Variants in HOXA7 observed in about 807,000 individuals in gnomAD.
HOXA7 encodes homeobox A7.
Under a neutral mutation model 16.8 loss-of-function variants are expected in HOXA7, and 16 were observed. The ratio of observed to expected loss-of-function variants is 0.95; its 90% CI spans 0.64 to 1.44. The LOEUF is 1.44. Among genes scored for constraint, HOXA7 ranks in the 40% most tolerant of loss-of-function variants. The probability of loss-of-function intolerance (pLI) is 0.00; values close to 1 mark genes in which losing one functional copy is unlikely to be tolerated. For synonymous variants in HOXA7, 169 were observed against 144.3 expected (o/e 1.17, Z -1.23); for missense variants, 379 against 328.6 (o/e 1.15, Z -1.19).
chr7:27,155,893 G>A (rs1402854365), intron 1 of HOXA7: 2 of 366,354 alleles, frequency 5.5e-6, no homozygotes, highest in Non-Finnish European at 9.7e-6. Context: ...CAAGACAAAT[G>A]GAGTTAAATA....
Position 27,154,483 on chromosome 7 carries a change from G to T in HOXA7, c.*426C>A. 1 of 170,604 alleles carries T rather than the reference G, an allele frequency of 5.9e-6. No individual in the cohort carries two copies. Among genetic ancestry groups the T allele is most frequent in the Non-Finnish European group, 1.3e-5 (1 of 78,800 alleles). The allele number at this position is 170,604 out of a possible 1,614,324, so 10.6% of individuals were successfully genotyped here. The stretch of plus-strand genomic sequence containing the variant: ...TGAGATTCACTTTCTTGCGGGTCTG[G>T]GAGGGTGGTGCTGGGTGTCTGCCAG... On this transcript the variant is annotated 3_prime_UTR_variant, in exon 2 of 2. Coordinates refer to ENST00000242159, the MANE Select transcript of HOXA7 (RefSeq NM_006896.4).
Position 27,156,315 on chromosome 7 carries a change from G to T in HOXA7, c.231C>A (p.Tyr77Ter). ...ASGYGLGADA[Y>*]GNLPCASYDQ... ...CGTAGGAGGCGCAGGGCAGGTTGCC[G>T]TAGGCGTCGGCGCCCAGGCCGTAGC... The change falls in exon 1 of 2, where the codon TAC (tyrosine) becomes TAA (stop). Residue 77 changes from tyrosine (Y) to a stop codon, truncating the protein, a stop_gained. Coordinates refer to ENST00000242159, the MANE Select transcript of HOXA7 (RefSeq NM_006896.4). LOFTEE classifies it high-confidence loss of function. The T allele has an allele frequency of 6.2e-7, 1 of 1,613,960 alleles. No homozygotes were observed. The highest frequency in any genetic ancestry group is 8.5e-7 in the Non-Finnish European group (1 of 1,179,968).
chr7:27,156,302 A>T lies in HOXA7; in HGVS notation c.244T>A (p.Cys82Ser). The T allele has an allele frequency of 6.2e-7, 1 of 1,613,858 alleles. No homozygotes were observed. Among genetic ancestry groups the T allele is most frequent in the Non-Finnish European group, 8.5e-7 (1 of 1,179,924 alleles). ...GGGATGTTTTGGTCGTAGGAGGCGC[A>T]GGGCAGGTTGCCGTAGGCGTCGGCG... Reference protein sequence around the residue: ...LGADAYGNLPCASYDQNIPGL... With the variant: ...LGADAYGNLPSASYDQNIPGL... Residue 82 changes from cysteine (C) to serine (S), a missense_variant, in exon 1 of 2, where the codon TGC (cysteine) becomes AGC (serine). By Grantham distance (112) the Cys-to-Ser change is moderately radical (BLOSUM62 -1). Transcript: ENST00000242159.
chr7:27,154,985 G>A lies in HOXA7; in HGVS notation c.617C>T (p.Ser206Phe), dbSNP rs764552031. 1 of 1,613,706 alleles carries A rather than the reference G, an allele frequency of 6.2e-7. No homozygotes were observed. ...GTCCGCGGCAGCAGTGGCGGCGGCAGAGGGCACGGCGCCCTCGGGAGCTGC... is the reference window on the plus strand; with the variant it reads ...GTCCGCGGCAGCAGTGGCGGCGGCAAAGGGCACGGCGCCCTCGGGAGCTGC... ...AAAAPEGAVP[S>F]AAATAAADKA... The change falls in exon 2 of 2, where the codon TCT (serine) becomes TTT (phenylalanine). Residue 206 changes from serine to phenylalanine, a missense_variant. Physicochemically the swap from Ser to Phe is radical, Grantham distance 155. Transcript: ENST00000242159.
At position 27,156,278 on chromosome 7, in the gene HOXA7, G is replaced by C. The variant is rs1045191807; in HGVS notation, c.268C>G (p.Pro90Ala). Residue 90 changes from proline (P) to alanine (A), a missense_variant, in exon 1 of 2, where the codon CCC (proline) becomes GCC (alanine). Coordinates refer to ENST00000242159, the MANE Select transcript of HOXA7 (RefSeq NM_006896.4). ...LPCASYDQNI[P>A]GLCSDLAKGA... Reference sequence around the variant, plus strand: ...TTGGCGAGGTCACTGCAGAGCCCGGGGATGTTTTGGTCGTAGGAGGCGCAG... The same window carrying C: ...TTGGCGAGGTCACTGCAGAGCCCGGCGATGTTTTGGTCGTAGGAGGCGCAG... The C allele has an allele frequency of 6.2e-7, 1 of 1,613,376 alleles. No individual in the cohort carries two copies. Among genetic ancestry groups the C allele is most frequent in the Non-Finnish European group, 8.5e-7 (1 of 1,179,780 alleles).
In HOXA7 at chr7:27,155,204, C is replaced by T. The variant is rs745409883; in HGVS notation, c.398G>A (p.Gly133Asp). ...CTGGTAGCGCGTGTAGGTCTGGCGG[C>T]CCCGCTTCCTGTCAGGTCCTGAGAA... Reference protein sequence around the residue: ...MRSSGPDRKRGRQTYTRYQTL... With the variant: ...MRSSGPDRKRDRQTYTRYQTL... Residue 133 changes from glycine (G) to aspartate (D), a missense_variant, in exon 2 of 2, where the codon GGC (glycine) becomes GAC (aspartate). Gly to Asp is a moderately conservative substitution (Grantham distance 94). Transcript: ENST00000242159. 13 of 1,613,678 alleles carry T rather than the reference C, an allele frequency of 8.1e-6. No homozygotes were observed. In the South Asian group the frequency reaches 1.3e-4, roughly 16 times the overall value.
chr7:27,156,429 G>A lies in HOXA7; in HGVS notation c.117C>T (p.Gly39=). 6.2e-7 allele frequency: 1 copy of A among 1,613,924 alleles called. No individual in the cohort carries two copies. The highest frequency in any genetic ancestry group is 8.5e-7 in the Non-Finnish European group (1 of 1,179,832). ...CSFAPNSQRS[G]YGAGAGAFAS... is the part of the protein sequence containing the mutation. ...CGAAGGCGCCGGCGCCCGCCCCGTAGCCGCTTCTCTGTGAGTTGGGAGCAA... is the reference window on the plus strand; with the variant it reads ...CGAAGGCGCCGGCGCCCGCCCCGTAACCGCTTCTCTGTGAGTTGGGAGCAA... Residue 39 remains glycine, a synonymous_variant, in exon 1 of 2, where the codon GGC becomes GGT. Coordinates refer to ENST00000242159, the MANE Select transcript of HOXA7 (RefSeq NM_006896.4).
Position 27,154,731 on chromosome 7 carries a change from A to C in HOXA7, c.*178T>G. 2.3e-6 allele frequency: 2 copies of C among 886,130 alleles called. No individual in the cohort carries two copies. The highest frequency in any genetic ancestry group is 3.3e-6 in the Non-Finnish European group (2 of 605,264). The allele number at this position is 886,130 out of a possible 1,614,324, so 54.9% of individuals were successfully genotyped here. A position where few individuals can be genotyped will look rare whatever the true frequency, so the allele number is the denominator to read the frequency against. On this transcript the variant is annotated 3_prime_UTR_variant, in exon 2 of 2. Coordinates refer to ENST00000242159, the MANE Select transcript of HOXA7 (RefSeq NM_006896.4). ...GGCCGCTCAGTCCACAAAAGTTGGG[A>C]GCTGGAGTAGGTGATGGGGGTGGGT...
Position 27,154,910 on chromosome 7 carries a change from C to T in HOXA7, c.692G>A (p.Ter231=). The change falls in exon 2 of 2, where the codon TGA becomes TAA. Residue 231 remains the stop codon, a stop_retained_variant. Coordinates refer to ENST00000242159, the MANE Select transcript of HOXA7 (RefSeq NM_006896.4). ...CAGAGAGGGCCCCGGATCGGCCCCT[C>T]ATTCCTCCTCGTCTTCCTCTTCTTC... ...DDEEEEDEEE[*] 1 of 1,607,342 alleles carries T rather than the reference C, an allele frequency of 6.2e-7. No homozygotes were observed. The highest frequency in any genetic ancestry group is 1.1e-5 in the South Asian group (1 of 90,818).
In HOXA7 at chr7:27,156,035, C is replaced by T; in HGVS notation, c.379+132G>A. On this transcript the variant is annotated intron_variant, in intron 1 of 1. Transcript: ENST00000242159. ...ACCAGAAAGGCTGCGCCGGGAGTCA[C>T]GGGGCTACCGGCTCGCAACAGCCTG... 4 of 1,107,636 alleles carry T rather than the reference C, an allele frequency of 3.6e-6. No homozygotes were observed. The East Asian group carries it at 9.1e-5, about 25-fold the overall frequency. The allele number at this position is 1,107,636 out of a possible 1,614,324, so 68.6% of individuals were successfully genotyped here. A position where few individuals can be genotyped will look rare whatever the true frequency, so the allele number is the denominator to read the frequency against.
rs976826713 is a variant in HOXA7, at chr7:27,154,521, T to C, written c.*388A>G. On this transcript the variant is annotated 3_prime_UTR_variant, in exon 2 of 2. Transcript: ENST00000242159. ...GGGTGTCTGCCAGTGTTGGGATACA[T>C]AGGGACTTCCTGGGAATGGAGGCCC... 5.1e-5 allele frequency: 10 copies of C among 195,388 alleles called. No homozygotes were observed. The highest frequency in any genetic ancestry group is 1.2e-4 in the African/African-American group (5 of 42,590). 12.1% of individuals were successfully genotyped at this position (195,388 alleles called of 1,614,324 possible).
Position 27,156,269 on chromosome 7 carries a change from A to C in HOXA7, c.277T>G (p.Cys93Gly). Residue 93 changes from cysteine (C) to glycine (G), a missense_variant, in exon 1 of 2, where the codon TGC becomes GGC. Cys to Gly is a radical substitution (Grantham distance 159). Transcript: ENST00000242159. ...ASYDQNIPGL[C>G]SDLAKGACDK... ...CAGGCGCCTTTGGCGAGGTCACTGC[A>C]GAGCCCGGGGATGTTTTGGTCGTAG... 1 of 1,612,916 alleles carries C rather than the reference A, an allele frequency of 6.2e-7. No individual in the cohort carries two copies. The highest frequency in any genetic ancestry group is 1.7e-4 in the Middle Eastern group (1 of 6,054).
In HOXA7 at chr7:27,155,063, T is replaced by C. The variant is rs1783081529; in HGVS notation, c.539A>G (p.Asn180Ser). Residue 180 changes from asparagine to serine, a missense_variant, in exon 2 of 2, where the codon AAC (asparagine) becomes AGC (serine). Transcript: ENST00000242159. The stretch of plus-strand genomic sequence containing the variant: ...CTCTTTCTTCCACTTCATGCGGCGG[T>C]TCTGGAACCAGATCTTAATCTGGCG... ...TERQIKIWFQ[N>S]RRMKWKKEHK... 1.2e-6 allele frequency: 2 copies of C among 1,614,212 alleles called. No homozygotes were observed. Among genetic ancestry groups the C allele is most frequent in the Non-Finnish European group, 8.5e-7 (1 of 1,180,026 alleles).
At chr7:27,155,934 C>A (rs911635991) in intron 1 of HOXA7, 5 of 404,760 alleles carry the variant, frequency 1.2e-5, no homozygotes, top group African/African-American at 1.0e-4. Flanking sequence ...ATTAATTGGG[C>A]CATAAAAAGT....
At chr7:27,155,376 G>A (rs1462953036) in intron 1 of HOXA7, 154 bp from the exon 2 acceptor site, 1 of 705,362 alleles carries the variant, frequency 1.4e-6, no homozygotes, top group East Asian at 2.6e-5. Flanking sequence ...TAGGGGAGGA[G>A]GGGGAGTGTT....
intron 1 of HOXA7, 149 bp from the exon 2 acceptor site, chr7:27,155,371 G>T: frequency 1.4e-6 from 1 of 715,312 alleles, no homozygotes; most frequent in East Asian, 2.6e-5. Context: ...TGAGCTAGGG[G>T]AGGAGGGGGA....
intron 1 of HOXA7, 199 bp from the exon 2 acceptor site, chr7:27,155,421 G>C (rs1427263988): frequency 2.8e-5 from 17 of 604,966 alleles, no homozygotes; most frequent in Non-Finnish European, 4.7e-5. Context: ...CAGACGCGCA[G>C]GCAGCTCTGT....
At position 27,155,085 on chromosome 7, in the gene HOXA7, G is replaced by GGC. The variant is rs1207629676; in HGVS notation, c.515_516dup (p.Gln173AlafsTer12). On this transcript the variant is annotated frameshift_variant, in exon 2 of 2. Transcript: ENST00000242159. LOFTEE classifies it high-confidence loss of function. ...CGGTTCTGGAACCAGATCTTAATCT[G>GGC]GCGCTCGGTGAGGCAGAGCGCGTGG... The GGC allele has an allele frequency of 1.9e-6, 3 of 1,614,212 alleles. No individual in the cohort carries two copies. Among genetic ancestry groups the GGC allele is most frequent in the Non-Finnish European group, 2.5e-6 (3 of 1,180,044 alleles).
In HOXA7 at chr7:27,156,565, T is replaced by C; in HGVS notation, c.-20A>G. On this transcript the variant is annotated 5_prime_UTR_variant, in exon 1 of 2. Coordinates refer to ENST00000242159, the MANE Select transcript of HOXA7 (RefSeq NM_006896.4). ...ACTCATAATTTTGACCTGTGATTTG[T>C]TGTCCGGCAGCTTTCAGTGTCGGTT... 1 of 1,550,780 alleles carries C rather than the reference T, an allele frequency of 6.4e-7. No homozygotes were observed. The highest frequency in any genetic ancestry group is 8.7e-7 in the Non-Finnish European group (1 of 1,145,632).
Sources: gnomAD v4.1 joint callset for allele counts on GRCh38, gnomAD v4.1.1 for gene constraint, MANE v1.5 for transcripts, NCBI Gene and HGNC (gene_info 2026-07-23, HGNC 2026-07-21) for gene names.